EXTL3: variants seen among roughly 807,000 people sequenced by gnomAD.
The protein encoded by EXTL3 is exostosin like glycosyltransferase 3.
Under a neutral mutation model 69.3 loss-of-function variants are expected in EXTL3, and 27 were observed. The ratio of observed to expected loss-of-function variants is 0.39; its 90% CI spans 0.29 to 0.54. EXTL3 has a LOEUF of 0.54. EXTL3 is among the 20% of genes least tolerant of loss of function. The pLI, the probability that EXTL3 is intolerant of heterozygous loss-of-function variation, is 0.69. For missense variants in EXTL3, 1,003 were observed against 1,231.8 expected (o/e 0.81, Z 2.78); for synonymous variants, 511 against 499.4 (o/e 1.02, Z -0.31).
intron 2 of EXTL3, among the ~76,000 whole-genome samples, chr8:28,612,701 C>A (rs10107654): frequency 0.3 from 45,022 of 151,718 alleles, 6,894 homozygotes; most frequent in African/African-American, 0.36. Flanking sequence ...TTTAGCCTAT[C>A]GATGTGATGG....
At position 28,623,259 on chromosome 8, in the gene EXTL3, TC is replaced by T. The variant is rs1391185965; in HGVS notation, c.-53+453del. ...CCTCGCGCGCTGTCAGGAGGCGCTG[TC>T]CCCGTGGGTAAGCCCGTGCCGTGGG... On this transcript the variant is annotated intron_variant, in intron 1 of 6. Transcript: ENST00000523149. This position sits in a 1 kb window ranked among gnomAD's most constrained non-coding sequence, Gnocchi z 4.2. 3.9e-5 allele frequency among the ~76,000 whole-genome samples: 6 copies of T among 152,064 alleles called. No homozygotes were observed. The highest frequency in any genetic ancestry group is 3.3e-4 in the Admixed American group (5 of 15,258).
In EXTL3 at chr8:28,717,088, C is replaced by T. The variant is rs771253127; in HGVS notation, c.1029C>T (p.Phe343=). The T allele has an allele frequency of 1.2e-6, 2 of 1,614,122 alleles. No homozygotes were observed. The highest frequency in any genetic ancestry group is 1.3e-5 in the African/African-American group (1 of 74,946). The part of the protein sequence containing the change: ...PQVPVKRKYL[F]TFQGEKIESL... ...TGCCGGTGAAGCGGAAATATCTCTT[C>T]ACCTTCCAGGGCGAGAAGATTGAGT... The change falls in exon 3 of 7, where the codon TTC becomes TTT. Residue 343 remains phenylalanine (F), a synonymous_variant. Coordinates refer to ENST00000220562, the MANE Select transcript of EXTL3 (RefSeq NM_001440.4). The surrounding 1 kb of genome is among the most constrained non-coding windows in gnomAD (Gnocchi z 8.3).
At chr8:28,618,948 C>A (rs558860560), upstream of EXTL3, among the ~76,000 whole-genome samples, 1 of 151,426 alleles carries the variant, frequency 6.6e-6, no homozygotes, top group Non-Finnish European at 1.5e-5. Flanking sequence ...AAAAATTAGC[C>A]GGGCGTGGCA....
chr8:28,628,159 C>G (rs1237038241), intron 1 of EXTL3, among the ~76,000 whole-genome samples: 1 of 152,108 alleles, frequency 6.6e-6, no homozygotes, highest in Non-Finnish European at 1.5e-5. Flanking sequence ...GTCAGGAGTT[C>G]AAGACAAGCC....
chr8:28,733,020 C>T (rs965632758), intron 4 of EXTL3, among the ~76,000 whole-genome samples: 6 of 152,184 alleles, frequency 3.9e-5, no homozygotes, highest in Admixed American at 2.0e-4. Flanking sequence ...GCATGAGCCA[C>T]GGTGCCCAGC....
intron 2 of EXTL3, among the ~76,000 whole-genome samples, chr8:28,608,679 A>G (rs1222283289): frequency 1.3e-4 from 19 of 151,900 alleles, no homozygotes; most frequent in Non-Finnish European, 1.5e-5. Flanking sequence ...CCTGGACAAC[A>G]TGGTGGAACC....
chr8:28,718,144 G>A lies in EXTL3; in HGVS notation c.2085G>A (p.Val695=), dbSNP rs1434312828. The A allele has an allele frequency of 3.7e-6, 6 of 1,614,044 alleles. No individual in the cohort carries two copies. The highest frequency in any genetic ancestry group is 3.3e-4 in the Middle Eastern group (2 of 6,084). ...GLPYLNKVVV[V]WNSPKLPSED... ...CTTACCTGAACAAGGTCGTGGTGGTGTGGAATTCTCCCAAGCTGCCATCAG... is the reference window on the plus strand; with the variant it reads ...CTTACCTGAACAAGGTCGTGGTGGTATGGAATTCTCCCAAGCTGCCATCAG... The change falls in exon 3 of 7, where the codon GTG becomes GTA. Residue 695 remains valine, a synonymous_variant. Transcript: ENST00000220562.
intron 4 of EXTL3, among the ~76,000 whole-genome samples, chr8:28,736,982 A>T (rs954939468): frequency 2.0e-5 from 3 of 151,548 alleles, no homozygotes; most frequent in South Asian, 2.1e-4. Context: ...ACAAACAAAA[A>T]TTTTTTTTTG....
At chr8:28,643,075 C>G (rs1806769847) in intron 1 of EXTL3, among the ~76,000 whole-genome samples, 1 of 152,070 alleles carries the variant, frequency 6.6e-6, no homozygotes, top group African/African-American at 2.4e-5. Flanking sequence ...GAAACCCCAT[C>G]TCTACTAAAA....
rs748141724 is a variant in EXTL3, at chr8:28,737,669, A to G, written c.2421+6A>G. The G allele has an allele frequency of 6.2e-7, 1 of 1,614,114 alleles. No individual in the cohort carries two copies. Among genetic ancestry groups the G allele is most frequent in the Admixed American group, 1.7e-5 (1 of 60,028 alleles). ...GTGCTGCCTTCTTTCACAAGGTAAG[A>G]AAAAGCTGGTAATAATGGCATCGAC... On this transcript the variant is annotated splice_donor_region_variant and intron_variant, in intron 5 of 6. Transcript: ENST00000220562.
intron 1 of EXTL3, among the ~76,000 whole-genome samples, chr8:28,648,949 A>G (rs531390327): frequency 1.3e-5 from 2 of 152,186 alleles, no homozygotes; most frequent in African/African-American, 4.8e-5. Context: ...GCTGGAGTGC[A>G]GTGGTGCAAT....
Position 28,623,255 on chromosome 8 carries a change from G to A in EXTL3, c.-53+445G>A, listed in dbSNP as rs1806442382. Among the ~76,000 whole-genome samples the A allele has an allele frequency of 6.6e-6, 1 of 152,124 alleles. No individual in the cohort carries two copies. Among genetic ancestry groups the A allele is most frequent in the African/African-American group, 2.4e-5 (1 of 41,438 alleles). ...CCCGCCTCGCGCGCTGTCAGGAGGC[G>A]CTGTCCCCGTGGGTAAGCCCGTGCC... On this transcript the variant is annotated intron_variant, in intron 1 of 6. Coordinates refer to the EXTL3 transcript ENST00000523149. This position sits in a 1 kb window ranked among gnomAD's most constrained non-coding sequence, Gnocchi z 4.2.
At chr8:28,620,347 A>G (rs558398378), upstream of EXTL3, among the ~76,000 whole-genome samples, 1 of 152,306 alleles carries the variant, frequency 6.6e-6, no homozygotes, top group African/African-American at 2.4e-5. Flanking sequence ...TAACTGAGAG[A>G]GGGCTCAGTT....
chr8:28,750,586 A>G lies in EXTL3; in HGVS notation c.2551-71A>G. ...TTCACCATGGACATGGGAGTGTGGG[A>G]TCGGCTCAGCTGCAAGGGTTCTGTC... On this transcript the variant is annotated intron_variant, in intron 6 of 6. Transcript: ENST00000220562. The surrounding 1 kb of genome is among the most constrained non-coding windows in gnomAD (Gnocchi z 5.2). 1 of 1,247,720 alleles carries G rather than the reference A, an allele frequency of 8.0e-7. No homozygotes were observed. Among genetic ancestry groups the G allele is most frequent in the African/African-American group, 1.5e-5 (1 of 67,948 alleles). The allele number at this position is 1,247,720 out of a possible 1,614,324, so 77.3% of individuals were successfully genotyped here.
chr8:28,636,681 T>C (rs1432572459), intron 1 of EXTL3, among the ~76,000 whole-genome samples: 4 of 152,126 alleles, frequency 2.6e-5, no homozygotes. Flanking sequence ...GTGGCAGATC[T>C]CCATGAACTT....
At chr8:28,690,771 A>T (rs1322109693) in intron 1 of EXTL3, among the ~76,000 whole-genome samples, 1 of 152,232 alleles carries the variant, frequency 6.6e-6, no homozygotes, top group African/African-American at 2.4e-5. Flanking sequence ...AGGAGAAAGC[A>T]ACCAAGATGG....
At chr8:28,724,830 C>T (rs1385649115) in intron 3 of EXTL3, among the ~76,000 whole-genome samples, 1 of 151,960 alleles carries the variant, frequency 6.6e-6, no homozygotes, top group East Asian at 1.9e-4. Context: ...TGATGTAGTC[C>T]TCTTTCTATC....
At chr8:28,695,415 A>C (rs1013771128) in intron 1 of EXTL3, among the ~76,000 whole-genome samples, 1 of 152,164 alleles carries the variant, frequency 6.6e-6, no homozygotes, top group Non-Finnish European at 1.5e-5. Flanking sequence ...GGATTTTTTA[A>C]ATAGTAAGGC....
chr8:28,731,506 C>T (rs561913610), intron 4 of EXTL3, among the ~76,000 whole-genome samples, 156 bp downstream of exon 4: 1 of 152,260 alleles, frequency 6.6e-6, no homozygotes, highest in East Asian at 1.9e-4. Context: ...TCGTAGATGG[C>T]GTTGGAGGAG....
Sources: allele counts gnomAD v4.1 joint callset (sites outside exome capture counted in the v4.1 genomes callset), GRCh38; gene constraint gnomAD v4.1.1; non-coding constraint Gnocchi (gnomAD v3.1); transcripts MANE v1.5; gene names NCBI Gene and HGNC (gene_info 2026-07-23, HGNC 2026-07-21).